The following DIAPH3 variants were observed in gnomAD, a reference collection of about 807,000 sequenced individuals.
DIAPH3 encodes the protein diaphanous related formin 3.
A neutral mutation model predicts 144.3 loss-of-function variants in DIAPH3; 117 were observed. The observed-to-expected ratio is 0.81, with a 90% CI of 0.70 to 0.95. The LOEUF (loss-of-function observed/expected upper bound fraction) is 0.95, where lower values mean the gene tolerates loss of function less well. Ranked by LOEUF, DIAPH3 falls within the 40% of genes least tolerant of loss-of-function variation. DIAPH3 has a pLI of 0.00. For synonymous variants in DIAPH3, 519 were observed against 488.9 expected, an observed-to-expected ratio of 1.06 and a Z score of -0.81; for missense variants, 1,421 against 1,412.7, an observed-to-expected ratio of 1.01 and a Z score of -0.09.
chr13:59,848,187 C>T (rs1292608983), intron 22 of DIAPH3, among the ~76,000 whole-genome samples: 1 of 152,030 alleles, frequency 6.6e-6, no homozygotes, highest in African/African-American at 2.4e-5. Context: ...TATTCATCTA[C>T]ACTTTTTCCT....
At chr13:59,917,119 T>C (rs1342677316) in intron 18 of DIAPH3, among the ~76,000 whole-genome samples, 1 of 152,202 alleles carries the variant, frequency 6.6e-6, no homozygotes, top group Non-Finnish European at 1.5e-5. Context: ...TGAATTTCTA[T>C]GTCATCTGGT....
intron 2 of DIAPH3, among the ~76,000 whole-genome samples, chr13:60,122,282 C>A (rs545017169): frequency 3.9e-5 from 6 of 152,220 alleles, no homozygotes; most frequent in African/African-American, 9.6e-5. Context: ...ATACCCCATC[C>A]CCTTACCTGG....
chr13:60,105,803 A>G (rs2058402967), intron 3 of DIAPH3, among the ~76,000 whole-genome samples: 1 of 152,238 alleles, frequency 6.6e-6, no homozygotes, highest in Non-Finnish European at 1.5e-5. Flanking sequence ...AATACTTGAA[A>G]TAAGCTGCTG....
chr13:59,876,832 G>C (rs1251267456), intron 21 of DIAPH3, among the ~76,000 whole-genome samples: 1 of 152,086 alleles, frequency 6.6e-6, no homozygotes, highest in Non-Finnish European at 1.5e-5. Context: ...GTGTGGCTGT[G>C]GATTAACTTT....
At chr13:59,714,618 C>G (rs1363444695) in intron 27 of DIAPH3, among the ~76,000 whole-genome samples, 2 of 151,860 alleles carry the variant, frequency 1.3e-5, no homozygotes, top group East Asian at 3.9e-4. Context: ...TTTTGTCCCC[C>G]CTTCCTCTAA....
In DIAPH3 at chr13:59,953,138, C is replaced by T. The variant is rs554440847; in HGVS notation, c.2074+16806G>A. Among the ~76,000 whole-genome samples the T allele has an allele frequency of 2.6e-5, 4 of 152,106 alleles. No individual in the cohort carries two copies. In the East Asian group the frequency reaches 7.7e-4, roughly 29 times the overall value. On this transcript the variant is annotated intron_variant, in intron 17 of 27. Transcript: ENST00000400324. ...GAGCATGGGAACCTCATTGAGAAAG[C>T]GACATTTGAGTTAAGACTTGAAGGT...
At chr13:59,919,879 A>G (rs1360779862) in intron 18 of DIAPH3, among the ~76,000 whole-genome samples, 1 of 152,096 alleles carries the variant, frequency 6.6e-6, no homozygotes, top group African/African-American at 2.4e-5. Flanking sequence ...TCAATATGGA[A>G]AGATGTGAGT....
chr13:60,094,510 A>G (rs1182514209), intron 3 of DIAPH3, among the ~76,000 whole-genome samples: 1 of 152,182 alleles, frequency 6.6e-6, no homozygotes, highest in Non-Finnish European at 1.5e-5. Context: ...CTGAGGTAAG[A>G]CAGAAATGGC....
At chr13:60,062,706 C>A in intron 4 of DIAPH3, among the ~76,000 whole-genome samples, 1 of 152,116 alleles carries the variant, frequency 6.6e-6, no homozygotes, top group East Asian at 1.9e-4. Flanking sequence ...ATAGATATTA[C>A]AAAAAGTGAG....
intron 27 of DIAPH3, among the ~76,000 whole-genome samples, chr13:59,701,196 G>A (rs924649945): frequency 6.6e-6 from 1 of 152,088 alleles, no homozygotes; most frequent in African/African-American, 2.4e-5. Flanking sequence ...CTACCTTGAG[G>A]TATATCAAAC....
At chr13:59,850,615 A>G (rs2042908878) in intron 22 of DIAPH3, among the ~76,000 whole-genome samples, 1 of 151,380 alleles carries the variant, frequency 6.6e-6, no homozygotes, top group South Asian at 2.1e-4. Context: ...TATATGCTGG[A>G]TTACATTTAT....
chr13:59,767,461 G>C (rs1382119414), intron 27 of DIAPH3, among the ~76,000 whole-genome samples: 1 of 151,298 alleles, frequency 6.6e-6, no homozygotes, highest in Non-Finnish European at 1.5e-5. Flanking sequence ...GGAGAAATTT[G>C]AGGAAACCAA....
intron 25 of DIAPH3, among the ~76,000 whole-genome samples, chr13:59,792,893 A>G (rs370674396): frequency 6.6e-6 from 1 of 152,088 alleles, no homozygotes; most frequent in Admixed American, 6.5e-5. Flanking sequence ...AAACAATACC[A>G]CAGGATCTGA....
intron 27 of DIAPH3, among the ~76,000 whole-genome samples, chr13:59,700,254 T>C (rs2034029309): frequency 6.6e-6 from 1 of 152,212 alleles, no homozygotes; most frequent in African/African-American, 2.4e-5. Flanking sequence ...CCTTCCCTTT[T>C]ATCCAGCAAT....
In DIAPH3 at chr13:59,897,943, C is replaced by T. The variant is rs1308378536; in HGVS notation, c.2367+13792G>A. Among the ~76,000 whole-genome samples the T allele has an allele frequency of 2.6e-5, 4 of 151,446 alleles. No homozygotes were observed. In the South Asian group the frequency reaches 8.4e-4, roughly 32 times the overall value. ...AGTCAGGAGTTCGAGACCAGCCTGGCCAACATGTTGAAACTCCATCTCTAC... is the reference window on the plus strand; with the variant it reads ...AGTCAGGAGTTCGAGACCAGCCTGGTCAACATGTTGAAACTCCATCTCTAC... On this transcript the variant is annotated intron_variant, in intron 20 of 27. Coordinates refer to ENST00000400324, the MANE Select transcript of DIAPH3 (RefSeq NM_001042517.2).
intron 5 of DIAPH3, among the ~76,000 whole-genome samples, chr13:60,035,960 C>A (rs563733007): frequency 6.6e-6 from 1 of 152,102 alleles, no homozygotes; most frequent in Admixed American, 6.6e-5. Context: ...GCTGTTACAC[C>A]GATGACTGCC....
At chr13:59,979,669 C>T (rs984192313) in intron 14 of DIAPH3, among the ~76,000 whole-genome samples, 3 of 151,604 alleles carry the variant, frequency 2.0e-5, no homozygotes, top group Non-Finnish European at 4.4e-5. Context: ...CAAAACAGTG[C>T]CTATAATTTG....
intron 2 of DIAPH3, among the ~76,000 whole-genome samples, chr13:60,131,435 C>CAA (rs777909368): frequency 0.02 from 574 of 28,134 alleles, 1 homozygote; most frequent in Non-Finnish European, 0.031. Flanking sequence ...GACCCTGTCT[C>CAA]AAAAAAAAAA....
chr13:59,879,268 A>G lies in DIAPH3; in HGVS notation c.2568T>C (p.Asn856=). ...TAAGGTTAAATCCGAAGGTTTGAGC[A>G]TTCCGGGAGCCAGCATTCATGTAGT... ...MGNYMNAGSR[N]AQTFGFNLSS... Residue 856 remains asparagine (N), a synonymous_variant, in exon 21 of 28, where the codon AAT becomes AAC. Coordinates refer to ENST00000400324, the MANE Select transcript of DIAPH3 (RefSeq NM_001042517.2). 1 of 1,613,894 alleles carries G rather than the reference A, an allele frequency of 6.2e-7. No individual in the cohort carries two copies. Among genetic ancestry groups the G allele is most frequent in the Non-Finnish European group, 8.5e-7 (1 of 1,179,840 alleles).
Sources: allele counts gnomAD v4.1 joint callset (sites outside exome capture counted in the v4.1 genomes callset), GRCh38; gene constraint gnomAD v4.1.1; transcripts MANE v1.5; gene names NCBI Gene and HGNC (gene_info 2026-07-23, HGNC 2026-07-21).